Variants in PRORP observed in about 807,000 individuals in gnomAD.
PRORP encodes protein only RNase P catalytic subunit, also known as mitochondrial ribonuclease P catalytic subunit.
PRORP carries 51 observed loss-of-function variants against 59.4 expected under a neutral mutation model. That is an observed-to-expected ratio of 0.86 (90% CI 0.69 to 1.08). PRORP has a LOEUF of 1.08. Among genes scored for constraint, PRORP ranks in the 50% least tolerant of loss-of-function variants. The pLI is 0.00. For synonymous variants in PRORP, 231 were observed against 245.6 expected (o/e 0.94, Z 0.55); for missense variants, 646 against 690.3 (o/e 0.94, Z 0.72).
At chr14:35,225,769 G>A (rs2049918148) in intron 5 of PRORP, among the ~76,000 whole-genome samples, 1 of 152,030 alleles carries the variant, frequency 6.6e-6, no homozygotes, top group South Asian at 2.1e-4. Flanking sequence ...GCTTAGGGCT[G>A]GGCACAGTGG....
intron 4 of PRORP, among the ~76,000 whole-genome samples, chr14:35,136,372 G>T (rs368023807): frequency 3.5e-4 from 52 of 149,540 alleles, no homozygotes; most frequent in Admixed American, 2.6e-3. Flanking sequence ...GGGTTTTTTT[G>T]TTTTTTTGGT....
intron 4 of PRORP, among the ~76,000 whole-genome samples, chr14:35,171,771 A>AATTACACAGTTACAGTCTAG (rs2048317247): frequency 2.0e-5 from 3 of 152,098 alleles, no homozygotes; most frequent in Non-Finnish European, 2.9e-5. Context: ...TCTAGACTGT[A>AATTACACAGTTACAGTCTAG]ATTACACATG....
chr14:35,124,241 G>C lies in PRORP; in HGVS notation c.986+10G>C. 6.7e-7 allele frequency: 1 copy of C among 1,497,100 alleles called. No homozygotes were observed. 92.7% of individuals were successfully genotyped at this position (1,497,100 alleles called of 1,614,324 possible). On this transcript the variant is annotated intron_variant, in intron 2 of 7. Transcript: ENST00000534898. ...AAACATGGTTTGAGAGGTAATTTTG[G>C]TTTTTTTATATGTATGTTTTTATTC...
At chr14:35,204,878 C>T (rs1357372624) in intron 5 of PRORP, among the ~76,000 whole-genome samples, 1 of 152,126 alleles carries the variant, frequency 6.6e-6, no homozygotes, top group Non-Finnish European at 1.5e-5. Context: ...TTTTCACTAA[C>T]ATTTATTAAG....
chr14:35,271,566 GTTTAA>G (rs2051191280), intron 7 of PRORP, among the ~76,000 whole-genome samples: 1 of 152,060 alleles, frequency 6.6e-6, no homozygotes, highest in South Asian at 2.1e-4. Flanking sequence ...TGTTTTCCCT[GTTTAA>G]TTCATTTCTA....
chr14:35,167,599 G>A (rs1032812807), intron 4 of PRORP, among the ~76,000 whole-genome samples: 1 of 152,136 alleles, frequency 6.6e-6, no homozygotes, highest in Admixed American at 6.5e-5. Flanking sequence ...CTACATTAAG[G>A]CAGTCATGTT....
chr14:35,133,284 T>C (rs2047296593), intron 4 of PRORP, among the ~76,000 whole-genome samples: 1 of 152,216 alleles, frequency 6.6e-6, no homozygotes. Flanking sequence ...TCCCTTCTGC[T>C]GTTAAAGGAC....
At chr14:35,170,474 G>A (rs1163529939) in intron 4 of PRORP, among the ~76,000 whole-genome samples, 2 of 151,792 alleles carry the variant, frequency 1.3e-5, no homozygotes, top group Non-Finnish European at 2.9e-5. Context: ...TTTACAATCT[G>A]AATCCTTAAC....
intron 4 of PRORP, among the ~76,000 whole-genome samples, chr14:35,142,223 A>C (rs961492306): frequency 7.2e-6 from 1 of 139,690 alleles, no homozygotes; most frequent in Non-Finnish European, 1.6e-5. Flanking sequence ...TTATGTTGCC[A>C]AGGCTGGTGT....
intron 5 of PRORP, chr14:35,262,613 A>G (rs1033355769): frequency 2.3e-5 from 17 of 735,740 alleles, no homozygotes; most frequent in Middle Eastern, 3.8e-4. Flanking sequence ...GAAAGAAAGA[A>G]AAGAGGCTCC....
At chr14:35,122,851 C>T (rs1040616613) in intron 1 of PRORP, 101 bp from the exon 2 acceptor site, 11 of 185,182 alleles carry the variant, frequency 5.9e-5, no homozygotes, top group Non-Finnish European at 1.0e-4. Flanking sequence ...TGGCTTTACA[C>T]CCCCTTTCCA....
intron 5 of PRORP, among the ~76,000 whole-genome samples, chr14:35,242,662 A>G (rs540592478): frequency 1.1e-4 from 16 of 152,332 alleles, no homozygotes; most frequent in Non-Finnish European, 2.2e-4. Context: ...TCATCTATCT[A>G]GCTAGCTAGC....
chr14:35,151,420 AC>A (rs2047742279), intron 4 of PRORP, among the ~76,000 whole-genome samples: 1 of 152,120 alleles, frequency 6.6e-6, no homozygotes, highest in Non-Finnish European at 1.5e-5. Context: ...GCCTCTGATC[AC>A]CACTGAACCA....
chr14:35,182,570 G>A (rs1392063638), intron 5 of PRORP, among the ~76,000 whole-genome samples: 5 of 152,124 alleles, frequency 3.3e-5, no homozygotes, highest in Non-Finnish European at 5.9e-5. Context: ...GCTTGAACCC[G>A]GGAGGTGGAG....
chr14:35,123,577 C>G lies in PRORP; in HGVS notation c.332C>G (p.Thr111Ser), dbSNP rs1355714770. 1 of 1,614,014 alleles carries G rather than the reference C, an allele frequency of 6.2e-7. No individual in the cohort carries two copies. The highest frequency in any genetic ancestry group is 2.2e-5 in the East Asian group (1 of 44,896). Residue 111 changes from threonine to serine, a missense_variant, in exon 2 of 8, where the codon ACT becomes AGT. Physicochemically the swap from Thr to Ser is moderately conservative, Grantham distance 58. Coordinates refer to ENST00000534898, the MANE Select transcript of PRORP (RefSeq NM_014672.4). ...CATGCCTTGGCACCTGTGAGGAACA[C>G]TATTCAACTCCCAACACAACCTTTG... The part of the protein sequence containing the change: ...EDHALAPVRN[T>S]IQLPTQPLNS...
chr14:35,227,648 T>C (rs1488757447), intron 5 of PRORP, among the ~76,000 whole-genome samples: 1 of 152,138 alleles, frequency 6.6e-6, no homozygotes, highest in Admixed American at 6.6e-5. Context: ...AAAATATCCT[T>C]ACTTCTCCCA....
chr14:35,249,319 T>C (rs182530580), intron 5 of PRORP, among the ~76,000 whole-genome samples: 2 of 152,132 alleles, frequency 1.3e-5, no homozygotes, highest in African/African-American at 2.4e-5. Flanking sequence ...TGGTGGTTCA[T>C]ACCTGTAATC....
intron 5 of PRORP, among the ~76,000 whole-genome samples, chr14:35,210,890 A>G (rs966000300): frequency 6.7e-6 from 1 of 150,058 alleles, no homozygotes; most frequent in Non-Finnish European, 1.5e-5. Context: ...CAGCCTCCCA[A>G]GTAGCTGAGA....
Position 35,127,506 on chromosome 14 carries a change from C to T in PRORP, c.1062C>T (p.Thr354=). Reference sequence around the variant, plus strand: ...GCCAGTGTTCGGGCTGTGGAAAAACCATAGAGTCTATTCAGCTGAGTCCAG... The same window carrying T: ...GCCAGTGTTCGGGCTGTGGAAAAACTATAGAGTCTATTCAGCTGAGTCCAG... ...KSGQCSGCGK[T]IESIQLSPEE... is the part of the protein sequence containing the mutation. The change falls in exon 4 of 8, where the codon ACC becomes ACT. Residue 354 remains threonine (T), a synonymous_variant. Transcript: ENST00000534898. 1 of 1,610,858 alleles carries T rather than the reference C, an allele frequency of 6.2e-7. No homozygotes were observed. The highest frequency in any genetic ancestry group is 8.5e-7 in the Non-Finnish European group (1 of 1,178,248).
Sources: allele counts gnomAD v4.1 joint callset (sites outside exome capture counted in the v4.1 genomes callset), GRCh38; gene constraint gnomAD v4.1.1; transcripts MANE v1.5; gene names NCBI Gene and HGNC (gene_info 2026-07-23, HGNC 2026-07-21).